Variants in DSCAM observed in about 807,000 individuals in gnomAD.
The protein encoded by DSCAM is cell adhesion molecule DSCAM.
DSCAM carries 47 observed loss-of-function variants against 217.7 expected under a neutral mutation model. The ratio of observed to expected loss-of-function variants is 0.22; its 90% CI spans 0.17 to 0.28. The LOEUF is 0.28. Among genes scored for constraint, DSCAM ranks in the 10% least tolerant of loss-of-function variants. The pLI, the probability that DSCAM is intolerant of heterozygous loss-of-function variation, is 1.00. For missense variants in DSCAM, 2,080 were observed against 2,618.3 expected, an observed-to-expected ratio of 0.79 and a Z score of 4.49; for synonymous variants, 1,056 against 1,015.3, an observed-to-expected ratio of 1.04 and a Z score of -0.76.
chr21:40,258,414 A>G (rs1040053365), intron 11 of DSCAM, among the ~76,000 whole-genome samples: 2 of 152,258 alleles, frequency 1.3e-5, no homozygotes, highest in Non-Finnish European at 2.9e-5. Flanking sequence ...ATGCCAAACC[A>G]TAAAGTGAAA....
At chr21:40,824,955 C>T (rs1445755327) in intron 1 of DSCAM, among the ~76,000 whole-genome samples, 1 of 152,196 alleles carries the variant, frequency 6.6e-6, no homozygotes, top group Non-Finnish European at 1.5e-5. Context: ...CTTCCATAAA[C>T]ACTGCAGAGC....
intron 3 of DSCAM, among the ~76,000 whole-genome samples, chr21:40,477,942 C>T (rs1297695511): frequency 6.6e-6 from 1 of 152,054 alleles, no homozygotes; most frequent in African/African-American, 2.4e-5. Context: ...CCCATGCAAC[C>T]CACATTTAGG....
At chr21:40,805,122 C>A (rs747661495) in intron 1 of DSCAM, among the ~76,000 whole-genome samples, 1 of 152,204 alleles carries the variant, frequency 6.6e-6, no homozygotes, top group African/African-American at 2.4e-5. Context: ...TTGCTCCTCT[C>A]AAATCCACCC....
intron 16 of DSCAM, among the ~76,000 whole-genome samples, chr21:40,153,105 A>G (rs1192842059): frequency 1.3e-5 from 2 of 152,244 alleles, no homozygotes; most frequent in Non-Finnish European, 2.9e-5. Context: ...TTGGGTGGAC[A>G]GTCTTTTTCA....
At chr21:40,373,548 G>A (rs1205476672) in intron 3 of DSCAM, among the ~76,000 whole-genome samples, 3 of 152,178 alleles carry the variant, frequency 2.0e-5, no homozygotes, top group African/African-American at 7.2e-5. Flanking sequence ...AGGGGCTACT[G>A]ATACCCAGGG....
chr21:40,168,514 C>A (rs1490406100), intron 15 of DSCAM, among the ~76,000 whole-genome samples: 1 of 152,050 alleles, frequency 6.6e-6, no homozygotes, highest in Admixed American at 6.6e-5. Context: ...GGAAAGAATC[C>A]TTTAGATTAA....
chr21:40,836,252 G>A (rs997475650), intron 1 of DSCAM, among the ~76,000 whole-genome samples: 2 of 152,222 alleles, frequency 1.3e-5, no homozygotes, highest in African/African-American at 4.8e-5. Context: ...GACTCCAGCT[G>A]CTATCGAAGA....
intron 3 of DSCAM, among the ~76,000 whole-genome samples, chr21:40,564,344 T>C (rs1248207611): frequency 1.3e-5 from 2 of 152,166 alleles, no homozygotes; most frequent in African/African-American, 4.8e-5. Flanking sequence ...CGTTTGTCCC[T>C]TCCAAGTTCT....
intron 11 of DSCAM, among the ~76,000 whole-genome samples, chr21:40,219,788 T>C (rs1236034828): frequency 1.3e-5 from 2 of 152,226 alleles, no homozygotes; most frequent in African/African-American, 4.8e-5. Flanking sequence ...CAAGTGAAGT[T>C]AAATGAATTT....
intron 31 of DSCAM, among the ~76,000 whole-genome samples, chr21:40,043,117 T>C (rs9981861): frequency 0.41 from 62,962 of 152,018 alleles, 13,747 homozygotes; most frequent in Non-Finnish European, 0.48. Context: ...TGTGATGATA[T>C]TTAGAAATAA....
chr21:40,338,809 G>A (rs1276977230), intron 7 of DSCAM, among the ~76,000 whole-genome samples: 2 of 152,166 alleles, frequency 1.3e-5, no homozygotes, highest in Non-Finnish European at 2.9e-5. Flanking sequence ...GTACATGAAG[G>A]TTTACCATGA....
At chr21:40,729,552 A>G (rs1320024899) in intron 1 of DSCAM, among the ~76,000 whole-genome samples, 2 of 152,216 alleles carry the variant, frequency 1.3e-5, no homozygotes, top group South Asian at 2.1e-4. Context: ...TAATCACTTA[A>G]CATTTAGATA....
intron 8 of DSCAM, among the ~76,000 whole-genome samples, chr21:40,321,438 G>A (rs915723599): frequency 7.9e-5 from 12 of 152,082 alleles, no homozygotes; most frequent in African/African-American, 2.4e-4. Context: ...AAGAAGCTTC[G>A]AATAATAAAA....
At chr21:40,273,083 C>A (rs753181330) in intron 11 of DSCAM, among the ~76,000 whole-genome samples, 2 of 151,932 alleles carry the variant, frequency 1.3e-5, no homozygotes, top group Non-Finnish European at 2.9e-5. Flanking sequence ...AATTTTTTTT[C>A]AGAATAACTT....
chr21:40,075,770 C>T (rs1021311544), intron 26 of DSCAM, among the ~76,000 whole-genome samples: 6 of 152,324 alleles, frequency 3.9e-5, no homozygotes. Flanking sequence ...ACAAGAGCTA[C>T]AGACAGCTTT....
At chr21:40,243,547 C>A (rs921235568) in intron 11 of DSCAM, among the ~76,000 whole-genome samples, 5 of 152,158 alleles carry the variant, frequency 3.3e-5, no homozygotes, top group African/African-American at 1.2e-4. Context: ...AAGATGATGA[C>A]AGCAGTAAAT....
chr21:40,306,853 A>T (rs2074082832), intron 9 of DSCAM, among the ~76,000 whole-genome samples: 1 of 151,828 alleles, frequency 6.6e-6, no homozygotes, highest in African/African-American at 2.4e-5. Flanking sequence ...CCAGTATTTT[A>T]TTGAGGATTT....
intron 1 of DSCAM, among the ~76,000 whole-genome samples, chr21:40,748,168 C>G (rs1432288880): frequency 6.6e-6 from 1 of 151,668 alleles, no homozygotes; most frequent in African/African-American, 2.4e-5. Flanking sequence ...GACAAAAATG[C>G]CCACATTCAC....
At chr21:40,484,026 G>C (rs754934536) in intron 3 of DSCAM, among the ~76,000 whole-genome samples, 1 of 152,084 alleles carries the variant, frequency 6.6e-6, no homozygotes, top group Non-Finnish European at 1.5e-5. Context: ...TTAATTCTAC[G>C]GGGCAGGATG....
Sources: gnomAD v4.1 joint callset for allele counts (sites outside exome capture counted in the v4.1 genomes callset) on GRCh38, gnomAD v4.1.1 for gene constraint, MANE v1.5 for transcripts, NCBI Gene and HGNC (gene_info 2026-07-23, HGNC 2026-07-21) for gene names.